Variants in MMS19 observed in about 807,000 individuals in gnomAD.
MMS19 encodes MMS19 nucleotide excision repair protein homolog.
Under a neutral mutation model 129.8 loss-of-function variants are expected in MMS19, and 77 were observed. The observed-to-expected ratio is 0.59, with a 90% CI of 0.49 to 0.72. The LOEUF (loss-of-function observed/expected upper bound fraction) is 0.72. MMS19 is among the 30% of genes least tolerant of loss of function. The pLI is 0.00. For synonymous variants in MMS19, 491 were observed against 502.8 expected (o/e 0.98, Z 0.31); for missense variants, 1,168 against 1,266.3 (o/e 0.92, Z 1.18).
chr10:97,497,465 TA>T (rs1405891771), intron 1 of MMS19, among the ~76,000 whole-genome samples: 1 of 152,174 alleles, frequency 6.6e-6, no homozygotes, highest in African/African-American at 2.4e-5. Context: ...GATAATTTTA[TA>T]TTGTTACTTA....
At chr10:97,461,457 T>G (rs924697482) in intron 23 of MMS19, 39 bp downstream of exon 23, 22 of 1,599,376 alleles carry the variant, frequency 1.4e-5, no homozygotes, top group Non-Finnish European at 1.7e-5. Context: ...CATGGGTAGT[T>G]GATTCTGGGA....
At chr10:97,458,931 C>T in intron 29 of MMS19, 31 bp from the exon 30 acceptor site, 1 of 1,605,768 alleles carries the variant, frequency 6.2e-7, no homozygotes, top group Non-Finnish European at 8.5e-7. Flanking sequence ...ATCAACCTTG[C>T]TCATCCAAGG....
At chr10:97,475,663 G>T (rs569304210) in intron 8 of MMS19, among the ~76,000 whole-genome samples, 1 of 152,322 alleles carries the variant, frequency 6.6e-6, no homozygotes, top group Admixed American at 6.5e-5. Flanking sequence ...CTTGAACCCA[G>T]GAGGCAGAGG....
chr10:97,498,356 G>C lies in MMS19; in HGVS notation c.29C>G (p.Ala10Gly). MAAAAAVEA[A>G]APMGALWGLV... is the part of the protein sequence containing the mutation. ...GCCCCATAGGGCACCCATAGGCGCC[G>C]CCGCCTCCACAGCCGCGGCAGCGGC... is the stretch of plus-strand genomic sequence containing the variant. The change falls in exon 1 of 31, where the codon GCG becomes GGG. Residue 10 changes from alanine (A) to glycine (G), a missense_variant. By Grantham distance (60) the Ala-to-Gly change is moderately conservative. Around this residue, in one of 3 missense-constraint regions of MMS19, gnomAD observed 329 missense variants for 328.6 expected, o/e 1.00. Transcript: ENST00000438925. 1 of 1,571,224 alleles carries C rather than the reference G, an allele frequency of 6.4e-7. No individual in the cohort carries two copies. Among genetic ancestry groups the C allele is most frequent in the Non-Finnish European group, 8.6e-7 (1 of 1,166,332 alleles).
Position 97,460,581 on chromosome 10 carries a change from A to G in MMS19, c.2469+114T>C. 4.3e-6 allele frequency: 4 copies of G among 938,968 alleles called. No individual in the cohort carries two copies. In the Admixed American group the frequency reaches 8.7e-5, roughly 20 times the overall value. 58.2% of individuals were successfully genotyped at this position (938,968 alleles called of 1,614,324 possible). A position where few individuals can be genotyped will look rare whatever the true frequency, so the allele number is the denominator to read the frequency against. Reference sequence around the variant, plus strand: ...AGTAAGACCCTGTCTCCAAAAAGAAAAAAGAAAAGAAAACAAAAAACACAC... The same window carrying G: ...AGTAAGACCCTGTCTCCAAAAAGAAGAAAGAAAAGAAAACAAAAAACACAC... On this transcript the variant is annotated intron_variant, in intron 25 of 30. Transcript: ENST00000438925.
chr10:97,460,606 CAG>C (rs1554832131), intron 25 of MMS19, 87 bp downstream of exon 25: 20 of 1,089,986 alleles, frequency 1.8e-5, no homozygotes, highest in Non-Finnish European at 1.6e-5. Flanking sequence ...AAAAAACACA[CAG>C]GGGAGGATGG....
intron 1 of MMS19, among the ~76,000 whole-genome samples, chr10:97,491,645 C>T (rs1414558371): frequency 1.3e-5 from 2 of 151,874 alleles, no homozygotes; most frequent in African/African-American, 2.4e-5. Context: ...AGCGAGACTC[C>T]GTCTCAAAGA....
chr10:97,476,736 C>A lies in MMS19; in HGVS notation c.631G>T (p.Val211Leu). The A allele has an allele frequency of 1.2e-6, 2 of 1,613,880 alleles. No individual in the cohort carries two copies. The highest frequency in any genetic ancestry group is 2.7e-5 in the African/African-American group (2 of 75,006). ...ISRDYSLGPF[V>L]EELFEVTSCY... ...GATGTCACTTCAAACAACTCCTCCA[C>A]AAAGGGTCCTGTGGCAACAGAGAAA... The change falls in exon 8 of 31, where the codon GTG becomes TTG. Residue 211 changes from valine (V) to leucine (L), a missense_variant. Val to Leu is a conservative substitution (Grantham distance 32, BLOSUM62 1). Coordinates refer to ENST00000438925, the MANE Select transcript of MMS19 (RefSeq NM_022362.5).
Position 97,461,837 on chromosome 10 carries a change from C to G in MMS19, c.2175G>C (p.Leu725=). Residue 725 remains leucine (L), a synonymous_variant, in exon 22 of 31, where the codon CTG becomes CTC. Transcript: ENST00000438925. ...AAATGTGCTCACTTACATTTCGAGGCAGGGAGCAGACAAAGGCCATAAGCA... is the reference window on the plus strand; with the variant it reads ...AAATGTGCTCACTTACATTTCGAGGGAGGGAGCAGACAAAGGCCATAAGCA... ...IALLMAFVCS[L]PRNVEIPQLN... is the part of the protein sequence containing the mutation. The G allele has an allele frequency of 6.2e-7, 1 of 1,609,116 alleles. No individual in the cohort carries two copies. The highest frequency in any genetic ancestry group is 8.5e-7 in the Non-Finnish European group (1 of 1,177,826).
Position 97,470,779 on chromosome 10 carries a change from G to C in MMS19, c.767C>G (p.Ala256Gly). The change falls in exon 9 of 31, where the codon GCT (alanine) becomes GGT (glycine). Residue 256 changes from alanine to glycine, a missense_variant. Transcript: ENST00000438925. ...CCTAACCTTGGCTAGACCCACCTCA[G>C]CAAATCGTGGTGTAGAAGCCAGCAC... Reference protein sequence around the residue: ...RAVLASTPRFAEFLLPLLIEK... With the variant: ...RAVLASTPRFGEFLLPLLIEK... The C allele has an allele frequency of 6.2e-7, 1 of 1,611,182 alleles. No homozygotes were observed. The highest frequency in any genetic ancestry group is 8.5e-7 in the Non-Finnish European group (1 of 1,177,514).
chr10:97,467,657 GA>G (rs1349866058), intron 13 of MMS19, 74 bp from the exon 14 acceptor site: 44 of 1,404,616 alleles, frequency 3.1e-5, no homozygotes, highest in Non-Finnish European at 4.1e-5. Context: ...TGGATATAGG[GA>G]AAATTCTTTC....
At chr10:97,475,299 G>GA (rs2035533840) in intron 8 of MMS19, among the ~76,000 whole-genome samples, 1 of 152,068 alleles carries the variant, frequency 6.6e-6, no homozygotes. Flanking sequence ...ACATATAGAT[G>GA]AAAAAGCTCT....
intron 8 of MMS19, among the ~76,000 whole-genome samples, chr10:97,474,617 T>C (rs750380858): frequency 6.6e-6 from 1 of 152,198 alleles, no homozygotes. Flanking sequence ...TAAAGAGTAT[T>C]TGTAACTCAA....
intron 1 of MMS19, among the ~76,000 whole-genome samples, chr10:97,495,544 A>C (rs2039632213): frequency 6.6e-6 from 1 of 152,298 alleles, no homozygotes; most frequent in East Asian, 1.9e-4. Flanking sequence ...ACGCTTCAAC[A>C]CTCTGTTATC....
At chr10:97,497,040 T>C (rs936252939) in intron 1 of MMS19, among the ~76,000 whole-genome samples, 1 of 152,204 alleles carries the variant, frequency 6.6e-6, no homozygotes, top group African/African-American at 2.4e-5. Context: ...TACTTGTAAA[T>C]TGTAAACACT....
Position 97,477,598 on chromosome 10 carries a change from T to G in MMS19, c.424-182A>C, listed in dbSNP as rs111256144. ...CTCAGCAGCACAGCAGTGGTGCCAA[T>G]AATTCAAACCTGCCTGACAGAGGGA... On this transcript the variant is annotated intron_variant, in intron 5 of 30. Transcript: ENST00000438925. Among the ~76,000 whole-genome samples, 399 of 152,288 alleles carry G rather than the reference T, an allele frequency of 2.6e-3. 1 individual carries two copies. Among genetic ancestry groups the G allele is most frequent in the African/African-American group, 9.1e-3 (377 of 41,566 alleles).
intron 11 of MMS19, among the ~76,000 whole-genome samples, chr10:97,469,316 C>T (rs1157482665): frequency 6.6e-6 from 1 of 152,164 alleles, no homozygotes; most frequent in African/African-American, 2.4e-5. Flanking sequence ...TTCTGAGAAA[C>T]AAAAAGCCAA....
In MMS19 at chr10:97,465,817, G is replaced by C. The variant is rs1219989079; in HGVS notation, c.1744C>G (p.Gln582Glu). The change falls in exon 18 of 31, where the codon CAA becomes GAA. Residue 582 changes from glutamine to glutamate, a missense_variant. This residue lies in a region of MMS19 where 831 missense variants were observed against 910.8 expected (regional missense o/e 0.91). Transcript: ENST00000438925. ...TCCTAGTAGTTACCTCTGTTCACTT[G>C]CCAGAGATGCTGCAGCAGCAGAGGC... Reference protein sequence around the residue: ...TLPLLLQHLWQVNRGNMVAQS... With the variant: ...TLPLLLQHLWEVNRGNMVAQS... 6.2e-7 allele frequency: 1 copy of C among 1,612,822 alleles called. No homozygotes were observed.
Position 97,476,713 on chromosome 10 carries a change from T to C in MMS19, c.654A>G (p.Thr218=), listed in dbSNP as rs751672986. The change falls in exon 8 of 31, where the codon ACA becomes ACG. Residue 218 remains threonine, a synonymous_variant. Coordinates refer to ENST00000438925, the MANE Select transcript of MMS19 (RefSeq NM_022362.5). ...GPFVEELFEV[T]SCYFPIDFTP... ...TAAAATCGATAGGGAAATAACAGGA[T>C]GTCACTTCAAACAACTCCTCCACAA... is the stretch of plus-strand genomic sequence containing the variant. 4 of 1,613,916 alleles carry C rather than the reference T, an allele frequency of 2.5e-6. No individual in the cohort carries two copies. In the Admixed American group the frequency reaches 6.7e-5, roughly 27 times the overall value.
Sources: gnomAD v4.1 joint callset for allele counts (sites outside exome capture counted in the v4.1 genomes callset) on GRCh38, gnomAD v4.1.1 for gene constraint, gnomAD v4.1.1 regional missense constraint, MANE v1.5 for transcripts, NCBI Gene and HGNC (gene_info 2026-07-23, HGNC 2026-07-21) for gene names.